Variants in CDKL3 observed in about 807,000 individuals in gnomAD.
CDKL3 encodes cyclin dependent kinase like 3, also known as cyclin-dependent kinase-like 3.
In CDKL3, 65 loss-of-function variants were observed where a neutral mutation model predicts 69.3. The ratio of observed to expected loss-of-function variants is 0.94; its 90% CI spans 0.77 to 1.15. The LOEUF is 1.15. CDKL3 is among the 50% of genes most tolerant of loss of function. The pLI, the probability that CDKL3 is intolerant of heterozygous loss-of-function variation, is 0.00. For missense variants in CDKL3, 652 were observed against 689.2 expected, an observed-to-expected ratio of 0.95 and a Z score of 0.61; for synonymous variants, 202 against 221.6, an observed-to-expected ratio of 0.91 and a Z score of 0.79.
intron 12 of CDKL3, chr5:134,302,297 C>A: frequency 2.2e-6 from 1 of 459,354 alleles, no homozygotes; most frequent in Non-Finnish European, 4.3e-6. Flanking sequence ...TACCATTATT[C>A]ATTTTCACTA....
chr5:134,365,005 CAG>C (rs1411899997), intron 2 of CDKL3, among the ~76,000 whole-genome samples: 3 of 147,092 alleles, frequency 2.0e-5, no homozygotes, highest in East Asian at 4.0e-4. Flanking sequence ...TCTTTTGAGA[CAG>C]AGTCTTGCTC....
intron 4 of CDKL3, among the ~76,000 whole-genome samples, chr5:134,328,642 T>C (rs1363650493): frequency 6.6e-6 from 1 of 152,096 alleles, no homozygotes; most frequent in Admixed American, 6.6e-5. Flanking sequence ...CCACATTTAT[T>C]GCAAAACAAT....
chr5:134,371,295 A>C, upstream of CDKL3: 1 of 516,544 alleles, frequency 1.9e-6, no homozygotes, highest in Non-Finnish European at 3.5e-6. Flanking sequence ...AGAGAACACA[A>C]ATTTGTCTAT....
At chr5:134,346,145 T>C (rs1428745145) in intron 4 of CDKL3, among the ~76,000 whole-genome samples, 1 of 152,124 alleles carries the variant, frequency 6.6e-6, no homozygotes, top group Non-Finnish European at 1.5e-5. Context: ...CTGATCCACC[T>C]CCCTTGAAAG....
intron 4 of CDKL3, among the ~76,000 whole-genome samples, chr5:134,337,703 T>TA (rs1296640430): frequency 1.3e-5 from 2 of 152,142 alleles, no homozygotes; most frequent in Non-Finnish European, 2.9e-5. Flanking sequence ...TTTAAAATTT[T>TA]AAAAAAATTG....
chr5:134,334,938 G>A (rs887363833), intron 4 of CDKL3, among the ~76,000 whole-genome samples: 1 of 152,126 alleles, frequency 6.6e-6, no homozygotes, highest in Non-Finnish European at 1.5e-5. Flanking sequence ...TTATTATTGT[G>A]TGGGAGTCTA....
At chr5:134,362,371 T>C (rs2149658062) in intron 2 of CDKL3, among the ~76,000 whole-genome samples, 1 of 152,084 alleles carries the variant, frequency 6.6e-6, no homozygotes. Flanking sequence ...AATACAAAAT[T>C]AGCCTGGCAT....
Position 134,350,287 on chromosome 5 carries a change from T to C in CDKL3, c.501A>G (p.Arg167=). Residue 167 remains arginine (R), a synonymous_variant, in exon 4 of 13, where the codon AGA becomes AGG. Coordinates refer to ENST00000265334, the MANE Select transcript of CDKL3 (RefSeq NM_001113575.2). ...TATCTTTTAATACTAATTCGGGAGC[T>C]CTATACCAGCGTGTGGCCACATAGT... ...YTDYVATRWY[R]APELVLKDTS... is the part of the protein sequence containing the mutation. 6.3e-7 allele frequency: 1 copy of C among 1,591,076 alleles called. No homozygotes were observed. Among genetic ancestry groups the C allele is most frequent in the Non-Finnish European group, 8.6e-7 (1 of 1,168,604 alleles).
At chr5:134,338,627 C>T (rs1404656734) in intron 4 of CDKL3, among the ~76,000 whole-genome samples, 1 of 152,092 alleles carries the variant, frequency 6.6e-6, no homozygotes, top group Non-Finnish European at 1.5e-5. Flanking sequence ...AAAGAGGAGG[C>T]AGAGGTTTCA....
In CDKL3 at chr5:134,308,655, A is replaced by G; in HGVS notation, c.954T>C (p.Ser318=). Residue 318 remains serine (S), a synonymous_variant, in exon 8 of 13, where the codon AGT becomes AGC. Transcript: ENST00000265334. ...CTTTCCTGAGTTCATTTTCTTTAGAACTCTCTTTTGGCTTTATTAATGAAT... is the reference window on the plus strand; with the variant it reads ...CTTTCCTGAGTTCATTTTCTTTAGAGCTCTCTTTTGGCTTTATTAATGAAT... ...KVNSLIKPKE[S]SKENELRKDE... is the part of the protein sequence containing the mutation. 2 of 1,609,536 alleles carry G rather than the reference A, an allele frequency of 1.2e-6. No individual in the cohort carries two copies. The highest frequency in any genetic ancestry group is 1.7e-6 in the Non-Finnish European group (2 of 1,178,780).
intron 4 of CDKL3, among the ~76,000 whole-genome samples, chr5:134,323,615 A>G (rs1425615697): frequency 2.0e-5 from 3 of 152,204 alleles, no homozygotes; most frequent in Non-Finnish European, 4.4e-5. Context: ...ATTGAATAAT[A>G]AGATAAAAAA....
chr5:134,337,984 T>G lies in CDKL3; in HGVS notation c.539+12265A>C, dbSNP rs78741697. On this transcript the variant is annotated intron_variant, in intron 4 of 12. Transcript: ENST00000265334. ...TTTCATAATATGCATTTCCATGAAC[T>G]TTTTGAAGACCCCTCATACAAAATA... is the stretch of plus-strand genomic sequence containing the variant. Among the ~76,000 whole-genome samples, 14 of 152,304 alleles carry G rather than the reference T, an allele frequency of 9.2e-5. No individual in the cohort carries two copies. The East Asian group carries it at 2.7e-3, about 29-fold the overall frequency.
At chr5:134,367,367 T>C, upstream of CDKL3, 1 of 516,552 alleles carries the variant, frequency 1.9e-6, no homozygotes, top group Non-Finnish European at 2.3e-6. Context: ...AGGATCTGCA[T>C]CTTTTTTTTT....
intron 3 of CDKL3, among the ~76,000 whole-genome samples, chr5:134,357,220 C>T (rs1163732049): frequency 2.6e-5 from 4 of 151,816 alleles, no homozygotes; most frequent in Non-Finnish European, 4.4e-5. Flanking sequence ...CTAAGGTGGG[C>T]GGATCACGAG....
chr5:134,360,758 T>G (rs1398178774), intron 2 of CDKL3, among the ~76,000 whole-genome samples: 1 of 152,168 alleles, frequency 6.6e-6, no homozygotes, highest in Non-Finnish European at 1.5e-5. Context: ...GGCCCTTATG[T>G]TTTCAAATGA....
At chr5:134,371,094 A>C, upstream of CDKL3, 1 of 221,084 alleles carries the variant, frequency 4.5e-6, no homozygotes. Flanking sequence ...CCTCCCACTC[A>C]GGGGTGGATT....
At chr5:134,339,673 C>T (rs1749965102) in intron 4 of CDKL3, among the ~76,000 whole-genome samples, 1 of 152,058 alleles carries the variant, frequency 6.6e-6, no homozygotes, top group South Asian at 2.1e-4. Context: ...TGTGCTGGAC[C>T]ATAAATAAAC....
rs558409209 is a variant in CDKL3, at chr5:134,354,293, G to A, written c.361-3866C>T. ...GTATAGTGCCTAGAACAAAGAGAAGGCATTTAAAAATTTTATCAAGTGAAT... is the reference window on the plus strand; with the variant it reads ...GTATAGTGCCTAGAACAAAGAGAAGACATTTAAAAATTTTATCAAGTGAAT... On this transcript the variant is annotated intron_variant, in intron 3 of 12. Transcript: ENST00000265334. Among the ~76,000 whole-genome samples, 30 of 152,260 alleles carry A rather than the reference G, an allele frequency of 2.0e-4. No individual in the cohort carries two copies. In the South Asian group the frequency reaches 6.2e-3, roughly 32 times the overall value.
intron 12 of CDKL3, 99 bp from the exon 13 acceptor site, chr5:134,298,809 C>G: frequency 6.8e-7 from 1 of 1,474,594 alleles, no homozygotes; most frequent in Non-Finnish European, 9.2e-7. Context: ...ATGTAAATTA[C>G]TAAATTATAA....
Sources: allele counts gnomAD v4.1 joint callset (sites outside exome capture counted in the v4.1 genomes callset), GRCh38; gene constraint gnomAD v4.1.1; transcripts MANE v1.5; gene names NCBI Gene and HGNC (gene_info 2026-07-23, HGNC 2026-07-21).